Variants in ZNF185 observed in about 807,000 individuals in gnomAD.
ZNF185 encodes zinc finger protein 185 with LIM domain.
Under a neutral mutation model 58.6 loss-of-function variants are expected in ZNF185, and 56 were observed. That is an observed-to-expected ratio of 0.95 (90% CI 0.77 to 1.19). ZNF185 has a LOEUF of 1.19. ZNF185 is among the 50% of genes most tolerant of loss of function. ZNF185 has a pLI of 0.00. For synonymous variants in ZNF185, 230 were observed against 215.9 expected (o/e 1.07, Z -0.57); for missense variants, 627 against 573.5 (o/e 1.09, Z -0.95).
At chrX:152,905,031 C>T in the ZNF185 span, among the ~76,000 whole-genome samples, 2 of 112,904 alleles carry the variant, frequency 1.8e-5, 1 homozygote. Context: ...AACCCAGGTC[C>T]TTGGACTCCT....
chrX:152,941,461 G>T (rs971950450), intron 15 of ZNF185, among the ~76,000 whole-genome samples: 11 of 112,898 alleles, frequency 9.7e-5, no homozygotes, highest in Non-Finnish European at 1.7e-4. Context: ...GAAGACAGCA[G>T]GGACGGAAAA....
chrX:152,927,251 G>A (rs184747023), intron 11 of ZNF185, among the ~76,000 whole-genome samples: 2 of 112,465 alleles, frequency 1.8e-5, no homozygotes, highest in Non-Finnish European at 3.8e-5. Flanking sequence ...GAGAGGAGAT[G>A]GGGAGAAGTC....
intron 16 of ZNF185, among the ~76,000 whole-genome samples, chrX:152,955,957 T>A (rs2048785456): frequency 9.2e-6 from 1 of 108,166 alleles, no homozygotes; most frequent in East Asian, 2.9e-4. Context: ...TAGGTGAGAG[T>A]GTGACCAAAA....
At chrX:152,954,053 A>T (rs951074797) in intron 16 of ZNF185, among the ~76,000 whole-genome samples, 2 of 111,901 alleles carry the variant, frequency 1.8e-5, no homozygotes, top group Non-Finnish European at 1.9e-5. Context: ...TACTTTATTT[A>T]AAAAGACTAT....
chrX:152,915,629 T>G (rs1431073408), intron 3 of ZNF185, among the ~76,000 whole-genome samples: 1 of 112,820 alleles, frequency 8.9e-6, no homozygotes, highest in Non-Finnish European at 1.9e-5. Flanking sequence ...ACTGCTTGAG[T>G]GTACTTGGGA....
At chrX:152,927,662 A>G (rs1941124590) in intron 11 of ZNF185, among the ~76,000 whole-genome samples, 1 of 111,621 alleles carries the variant, frequency 9.0e-6, no homozygotes, top group African/African-American at 3.3e-5. Flanking sequence ...CTATGCCTCC[A>G]TGAAGCTTGT....
intron 7 of ZNF185, among the ~76,000 whole-genome samples, chrX:152,919,561 G>A (rs563317001): frequency 7.2e-5 from 8 of 111,778 alleles, no homozygotes; most frequent in South Asian, 7.5e-4. Flanking sequence ...TAGTCTCTGC[G>A]CCAAGCTGCC....
chrX:152,953,304 G>A (rs1474422610), intron 16 of ZNF185, among the ~76,000 whole-genome samples: 6 of 111,904 alleles, frequency 5.4e-5, no homozygotes, highest in Non-Finnish European at 1.1e-4. Context: ...TTCTGTCTGC[G>A]AAGATTCTTG....
At chrX:152,898,135 C>CCCCGG in the ZNF185 span, among the ~76,000 whole-genome samples, 7 of 109,649 alleles carry the variant, frequency 6.4e-5, no homozygotes, top group South Asian at 3.6e-4. Context: ...GCGCCTGCCT[C>CCCCGG]CCCGGCCCGG....
At chrX:152,961,066 G>A (rs189825412) in intron 17 of ZNF185, among the ~76,000 whole-genome samples, 10 of 111,961 alleles carry the variant, frequency 8.9e-5, no homozygotes, top group South Asian at 3.7e-4. Flanking sequence ...TGTGGCGATC[G>A]TCCTGTCCAC....
intron 3 of ZNF185, among the ~76,000 whole-genome samples, chrX:152,915,531 AC>A (rs1938273605): frequency 8.9e-6 from 1 of 112,131 alleles, no homozygotes. Context: ...ACGACCTCCC[AC>A]CCATTCCCTG....
intron 14 of ZNF185, among the ~76,000 whole-genome samples, chrX:152,936,024 A>C (rs1289131742): frequency 8.9e-6 from 1 of 112,678 alleles, no homozygotes; most frequent in Non-Finnish European, 1.9e-5. Flanking sequence ...ACAGGAACAC[A>C]TTAGCACATG....
At position 152,969,357 on chromosome X, in the gene ZNF185, C is replaced by T. The variant is rs370090537; in HGVS notation, c.1872-25C>T. 1.3e-4 allele frequency: 152 copies of T among 1,164,914 alleles called. No individual in the cohort carries two copies. The South Asian group carries it at 2.1e-3, about 16-fold the overall frequency. Reference sequence around the variant, plus strand: ...GAGGTCTGTACACCAGCCTGACCACCGGGTTATTGTTCTTCATCTCACAGG... The same window carrying T: ...GAGGTCTGTACACCAGCCTGACCACTGGGTTATTGTTCTTCATCTCACAGG... On this transcript the variant is annotated intron_variant, in intron 20 of 22. Coordinates refer to ENST00000449285, the Ensembl canonical transcript of ZNF185.
chrX:152,932,935 G>A (rs1556878818), exon 14 of ZNF185: 1 of 1,205,201 alleles, frequency 8.3e-7, no homozygotes, highest in East Asian at 3.0e-5. Context: ...CGGCCTGAAG[G>A]CTTGGCTGCA....
intron 17 of ZNF185, among the ~76,000 whole-genome samples, chrX:152,961,925 C>T (rs181669805): frequency 2.7e-5 from 3 of 111,909 alleles, no homozygotes; most frequent in East Asian, 2.8e-4. Context: ...TACTGTTCAT[C>T]GCTGTGGCAT....
At chrX:152,916,212 G>A (rs1360945735) in intron 3 of ZNF185, among the ~76,000 whole-genome samples, 1 of 111,667 alleles carries the variant, frequency 9.0e-6, no homozygotes, top group Non-Finnish European at 1.9e-5. Context: ...TGTGGGGTTG[G>A]AGACTACCGG....
intron 16 of ZNF185, among the ~76,000 whole-genome samples, chrX:152,952,181 T>A (rs1180020822): frequency 8.9e-6 from 1 of 112,375 alleles, no homozygotes; most frequent in East Asian, 2.8e-4. Flanking sequence ...TTATATGTAA[T>A]GCTGATAACT....
intron 8 of ZNF185, 49 bp from the exon 10 acceptor site, chrX:152,920,658 C>T (rs782499412): frequency 8.3e-7 from 1 of 1,208,848 alleles, no homozygotes; most frequent in Non-Finnish European, 1.1e-6. Context: ...CTTGATGTCA[C>T]CTGCCCACGG....
chrX:152,920,285 G>A (rs375140450), intron 7 of ZNF185, 43 bp from the exon 9 acceptor site: 16 of 1,182,538 alleles, frequency 1.4e-5, no homozygotes, highest in Non-Finnish European at 1.7e-5. Context: ...AGCATGTCCA[G>A]CTTGGCACCC....
Sources: gnomAD v4.1 joint callset for allele counts (sites outside exome capture counted in the v4.1 genomes callset) on GRCh38, gnomAD v4.1.1 for gene constraint, MANE v1.5 for transcripts, NCBI Gene and HGNC (gene_info 2026-07-23, HGNC 2026-07-21) for gene names.